GRIK5: variants seen among roughly 807,000 people sequenced by gnomAD.
The protein encoded by GRIK5 is glutamate receptor ionotropic, kainate 5.
A neutral mutation model predicts 97.4 loss-of-function variants in GRIK5; 43 were observed. The ratio of observed to expected loss-of-function variants is 0.44; its 90% CI spans 0.35 to 0.57. The LOEUF (loss-of-function observed/expected upper bound fraction) is 0.57. Among genes scored for constraint, GRIK5 ranks in the 20% least tolerant of loss-of-function variants. GRIK5 has a pLI of 0.01. For missense variants in GRIK5, 1,015 were observed against 1,382.0 expected (o/e 0.73, Z 4.21); for synonymous variants, 580 against 583.5 (o/e 0.99, Z 0.09).
rs1387399439 is a variant in GRIK5, at chr19:42,022,158, G to A, written c.1587+83C>T. On this transcript the variant is annotated intron_variant, in intron 13 of 19. Transcript: ENST00000593562. The surrounding 1 kb of genome is among the most constrained non-coding windows in gnomAD (Gnocchi z 4.2). ...TGGGAGCCTGACCGGCCCATCTGAG[G>A]TCCTGGGGCTGTCTGGCTCCCACTC... 7.1e-7 allele frequency: 1 copy of A among 1,406,334 alleles called. No homozygotes were observed. Among genetic ancestry groups the A allele is most frequent in the East Asian group, 2.3e-5 (1 of 43,156 alleles). The allele number at this position is 1,406,334 out of a possible 1,614,324, so 87.1% of individuals were successfully genotyped here. A position where few individuals can be genotyped will look rare whatever the true frequency, so the allele number is the denominator to read the frequency against.
Position 42,042,744 on chromosome 19 carries a change from G to T in GRIK5, c.1281C>A (p.Tyr427Ter), listed in dbSNP as rs779664291. Reference sequence around the variant, plus strand: ...CCTGGAAGTTGGGCCGGCGCATGACGTATGGGTTCTCCTGGGTGGGCAGAA... The same window carrying T: ...CCTGGAAGTTGGGCCGGCGCATGACTTATGGGTTCTCCTGGGTGGGCAGAA... ...LVVTTILENP[Y>*]VMRRPNFQAL... The change falls in exon 12 of 20, where the codon TAC (tyrosine) becomes TAA (stop). Residue 427 changes from tyrosine to a stop codon, truncating the protein, a stop_gained. Transcript: ENST00000593562. LOFTEE classifies it high-confidence loss of function. The surrounding 1 kb of genome is among the most constrained non-coding windows in gnomAD (Gnocchi z 6.9). 1 of 1,613,010 alleles carries T rather than the reference G, an allele frequency of 6.2e-7. No individual in the cohort carries two copies. The highest frequency in any genetic ancestry group is 1.3e-5 in the African/African-American group (1 of 75,052).
At position 42,065,702 on chromosome 19, in the gene GRIK5, T is replaced by C. The variant is rs1004402110; in HGVS notation, c.69A>G (p.Ser23=). ...FASPSCQVLS[S]LRMAAILDDQ... ...GCGGGAGGGCCTCACCCATGCGCAGTGATGAGAGCACCTGGCAGCTGGGGC... is the reference window on the plus strand; with the variant it reads ...GCGGGAGGGCCTCACCCATGCGCAGCGATGAGAGCACCTGGCAGCTGGGGC... Residue 23 remains serine (S), a synonymous_variant, in exon 2 of 20, where the codon TCA becomes TCG. Coordinates refer to ENST00000593562, the MANE Select transcript of GRIK5 (RefSeq NM_002088.5). The surrounding 1 kb of genome is among the most constrained non-coding windows in gnomAD (Gnocchi z 5.8). 2 of 1,591,412 alleles carry C rather than the reference T, an allele frequency of 1.3e-6. No homozygotes were observed. The highest frequency in any genetic ancestry group is 1.3e-5 in the African/African-American group (1 of 74,242).
At position 41,999,479 on chromosome 19, in the gene GRIK5, A is replaced by G. The variant is rs548235665; in HGVS notation, c.2515-180T>C. Among the ~76,000 whole-genome samples, 46 of 144,386 alleles carry G rather than the reference A, an allele frequency of 3.2e-4. No individual in the cohort carries two copies. Among genetic ancestry groups the G allele is most frequent in the African/African-American group, 1.2e-3 (46 of 38,640 alleles). The allele number at this position is 144,386 out of a possible 152,430, so 94.7% of individuals were successfully genotyped here. A position where few individuals can be genotyped will look rare whatever the true frequency, so the allele number is the denominator to read the frequency against. On this transcript the variant is annotated intron_variant, in intron 19 of 19. Coordinates refer to ENST00000593562, the MANE Select transcript of GRIK5 (RefSeq NM_002088.5). This position sits in a 1 kb window ranked among gnomAD's most constrained non-coding sequence, Gnocchi z 5.0. ...CCCGTGTTTTCTGCCTCCCCTCTCC[A>G]CCTCTCCCCACTTATCTTCAATGTC...
At position 42,021,151 on chromosome 19, in the gene GRIK5, C is replaced by T. The variant is rs1599768722; in HGVS notation, c.1871+150G>A. On this transcript the variant is annotated intron_variant, in intron 15 of 19. Coordinates refer to ENST00000593562, the MANE Select transcript of GRIK5 (RefSeq NM_002088.5). This position sits in a 1 kb window ranked among gnomAD's most constrained non-coding sequence, Gnocchi z 4.2. ...GCCAGTAAGCGGCAGAGCTGGAGCT[C>T]AGCTCTCCCCACCCCATTCCTCGTC... 1.5e-6 allele frequency: 1 copy of T among 666,690 alleles called. No homozygotes were observed. The highest frequency in any genetic ancestry group is 2.5e-6 in the Non-Finnish European group (1 of 404,168). 41.3% of individuals were successfully genotyped at this position (666,690 alleles called of 1,614,324 possible).
rs770981611 is a variant in GRIK5 at position 42,021,275 on chromosome 19, G to T, written c.1871+26C>A. The T allele has an allele frequency of 1.9e-6, 3 of 1,599,606 alleles. No homozygotes were observed. The highest frequency in any genetic ancestry group is 1.7e-6 in the Non-Finnish European group (2 of 1,172,488). The stretch of plus-strand genomic sequence containing the variant: ...CAGATGGGTCCCTCCCTCGCCCCGG[G>T]CAGAGGCAGATAGAAAGCTTCTCAC... On this transcript the variant is annotated intron_variant, in intron 15 of 19. Coordinates refer to ENST00000593562, the MANE Select transcript of GRIK5 (RefSeq NM_002088.5). The surrounding 1 kb of genome is among the most constrained non-coding windows in gnomAD (Gnocchi z 4.2).
intron 5 of GRIK5, among the ~76,000 whole-genome samples, chr19:42,061,182 G>A (rs1344139068): frequency 6.6e-6 from 1 of 152,152 alleles, no homozygotes; most frequent in Non-Finnish European, 1.5e-5. Flanking sequence ...TGAGTAGCTG[G>A]CACTACAGGT....
At position 42,022,192 on chromosome 19, in the gene GRIK5, T is replaced by C. The variant is rs751621122; in HGVS notation, c.1587+49A>G. 11 of 1,498,672 alleles carry C rather than the reference T, an allele frequency of 7.3e-6. No homozygotes were observed. The African/African-American group carries it at 1.4e-4, about 19-fold the overall frequency. 92.8% of individuals were successfully genotyped at this position (1,498,672 alleles called of 1,614,324 possible). A position where few individuals can be genotyped will look rare whatever the true frequency, so the allele number is the denominator to read the frequency against. On this transcript the variant is annotated intron_variant, in intron 13 of 19. Coordinates refer to ENST00000593562, the MANE Select transcript of GRIK5 (RefSeq NM_002088.5). This position sits in a 1 kb window ranked among gnomAD's most constrained non-coding sequence, Gnocchi z 4.2. ...CTGTCTGGCTCCCACTCGCAGGCCC[T>C]GAGCCTCCATGCCAGGCAAGCAGCC... is the stretch of plus-strand genomic sequence containing the variant.
In GRIK5 at chr19:42,021,209, A is replaced by G. The variant is rs1322975882; in HGVS notation, c.1871+92T>C. The G allele has an allele frequency of 9.7e-7, 1 of 1,030,588 alleles. No homozygotes were observed. The highest frequency in any genetic ancestry group is 2.6e-5 in the East Asian group (1 of 37,750). 63.8% of individuals were successfully genotyped at this position (1,030,588 alleles called of 1,614,324 possible). A position where few individuals can be genotyped will look rare whatever the true frequency, so the allele number is the denominator to read the frequency against. On this transcript the variant is annotated intron_variant, in intron 15 of 19. Coordinates refer to ENST00000593562, the MANE Select transcript of GRIK5 (RefSeq NM_002088.5). This position sits in a 1 kb window ranked among gnomAD's most constrained non-coding sequence, Gnocchi z 4.2. Reference sequence around the variant, plus strand: ...TCTGCAAGGGAAAACGGGGAATCAAATCTTCCAGGAGATGCCACAGCCCCA... The same window carrying G: ...TCTGCAAGGGAAAACGGGGAATCAAGTCTTCCAGGAGATGCCACAGCCCCA...
At chr19:42,053,275 A>G (rs1484933192) in intron 11 of GRIK5, among the ~76,000 whole-genome samples, 1 of 152,180 alleles carries the variant, frequency 6.6e-6, no homozygotes, top group Non-Finnish European at 1.5e-5. Context: ...CAAGATGGAC[A>G]CTGAGTTGGC....
chr19:42,009,331 T>G (rs1167897863), intron 15 of GRIK5, among the ~76,000 whole-genome samples: 1 of 151,904 alleles, frequency 6.6e-6, no homozygotes, highest in Non-Finnish European at 1.5e-5. Context: ...CAACCTCCGC[T>G]TCCCGGGTTC....
chr19:42,051,769 G>A (rs2076119752), intron 11 of GRIK5, among the ~76,000 whole-genome samples: 1 of 152,176 alleles, frequency 6.6e-6, no homozygotes, highest in South Asian at 2.1e-4. Context: ...TTGTCTGGCT[G>A]TGTACACAGA....
chr19:42,044,778 C>T (rs1014433424), intron 11 of GRIK5, among the ~76,000 whole-genome samples: 7 of 152,232 alleles, frequency 4.6e-5, no homozygotes, highest in Admixed American at 2.0e-4. Flanking sequence ...GGCAAAACCC[C>T]GTCTCTATAA....
chr19:42,012,084 T>C (rs1043998766), intron 15 of GRIK5, among the ~76,000 whole-genome samples: 3 of 152,070 alleles, frequency 2.0e-5, no homozygotes, highest in African/African-American at 7.2e-5. Context: ...GTAATTACAT[T>C]AAGGGTAATT....
At chr19:42,035,581 G>A (rs1358360575) in intron 12 of GRIK5, among the ~76,000 whole-genome samples, 2 of 151,882 alleles carry the variant, frequency 1.3e-5, no homozygotes, top group African/African-American at 4.8e-5. Context: ...ATGGTGGTGG[G>A]CGCCTGTAAT....
Position 42,065,878 on chromosome 19 carries a change from T to C in GRIK5, c.-50-58A>G. On this transcript the variant is annotated intron_variant, in intron 1 of 19. Coordinates refer to ENST00000593562, the MANE Select transcript of GRIK5 (RefSeq NM_002088.5). The surrounding 1 kb of genome is among the most constrained non-coding windows in gnomAD (Gnocchi z 5.8). ...TACTATGTGGTGGGATGGAACCCCT[T>C]GGAGGCCTGCTGGATGGGGTGGTCA... 1 of 871,980 alleles carries C rather than the reference T, an allele frequency of 1.1e-6. No homozygotes were observed. The highest frequency in any genetic ancestry group is 1.8e-6 in the Non-Finnish European group (1 of 551,692). 54.0% of individuals were successfully genotyped at this position (871,980 alleles called of 1,614,324 possible).
In GRIK5 at chr19:42,005,707, C is replaced by T. The variant is rs1555872324; in HGVS notation, c.2263+16G>A. The T allele has an allele frequency of 2.5e-6, 4 of 1,580,852 alleles. No individual in the cohort carries two copies. The East Asian group carries it at 6.7e-5, about 27-fold the overall frequency. ...GCCCACGGCCCTGCTGTGTTCCACA[C>T]CGTGCTGTGCCGTACCCAGCGGCAT... On this transcript the variant is annotated intron_variant, in intron 17 of 19. Coordinates refer to ENST00000593562, the MANE Select transcript of GRIK5 (RefSeq NM_002088.5).
At chr19:42,001,630 C>T (rs554927863) in intron 19 of GRIK5, among the ~76,000 whole-genome samples, 3 of 152,300 alleles carry the variant, frequency 2.0e-5, no homozygotes, top group South Asian at 2.1e-4. Context: ...CATCTTAGAA[C>T]GGAACCCTCC....
intron 12 of GRIK5, among the ~76,000 whole-genome samples, chr19:42,036,282 G>C (rs914698478): frequency 6.6e-6 from 1 of 151,910 alleles, no homozygotes; most frequent in Non-Finnish European, 1.5e-5. Flanking sequence ...GGCTGGTCTC[G>C]AACTCCTGAC....
rs758144480 is a variant in GRIK5, at chr19:42,054,431, C to T, written c.945G>A (p.Val315=). 1.1e-5 allele frequency: 17 copies of T among 1,613,508 alleles called. No individual in the cohort carries two copies. The highest frequency in any genetic ancestry group is 9.9e-5 in the South Asian group (9 of 91,094). ...ALMFDAVHVV[V]SAVRELNRSQ... ...TGCGGTTCAGCTCTCGGACAGCGCT[C>T]ACCACCACGTGCACGGCGTCAAACA... The change falls in exon 9 of 20, where the codon GTG becomes GTA. Residue 315 remains valine, a synonymous_variant. Coordinates refer to ENST00000593562, the MANE Select transcript of GRIK5 (RefSeq NM_002088.5).
Sources: gnomAD v4.1 joint callset for allele counts (sites outside exome capture counted in the v4.1 genomes callset) on GRCh38, gnomAD v4.1.1 for gene constraint, Gnocchi (gnomAD v3.1) non-coding constraint, MANE v1.5 for transcripts, NCBI Gene and HGNC (gene_info 2026-07-23, HGNC 2026-07-21) for gene names.